The following EDIL3 variants were observed in gnomAD, a reference collection of about 807,000 sequenced individuals.
EDIL3 encodes the protein EGF-like repeat and discoidin I-like domain-containing protein 3.
Under a neutral mutation model 67.4 loss-of-function variants are expected in EDIL3, and 37 were observed. The observed-to-expected ratio is 0.55, with a 90% CI of 0.42 to 0.72. The LOEUF is 0.72. EDIL3 is among the 30% of genes least tolerant of loss of function. The pLI is 0.00. For synonymous variants in EDIL3, 195 were observed against 196.3 expected (o/e 0.99, Z 0.05); for missense variants, 527 against 586.3 (o/e 0.90, Z 1.04).
In EDIL3 at chr5:83,973,871, G is replaced by A. The variant is rs542590298; in HGVS notation, c.1138-10511C>T. ...ATTGGAAAAACCACAATTACTTTTG[G>A]ACCAACTTAATAAAACATCCGCAGA... On this transcript the variant is annotated intron_variant, in intron 9 of 10. Transcript: ENST00000296591. 1.1e-4 allele frequency among the ~76,000 whole-genome samples: 16 copies of A among 151,932 alleles called. No homozygotes were observed. The East Asian group carries it at 3.1e-3, about 30-fold the overall frequency.
rs919437494 is a variant in EDIL3, at chr5:83,963,327, T to C, written c.1171A>G (p.Ile391Val). ...AAATCTTTAGCTCCTTGTGTAATGA[T>C]GCCAGTCACTTTGGTTGGAACAAGA... is the stretch of plus-strand genomic sequence containing the variant. ...DLLVPTKVTG[I>V]ITQGAKDFGH... The change falls in exon 10 of 11, where the codon ATC (isoleucine) becomes GTC (valine). Residue 391 changes from isoleucine to valine, a missense_variant. Ile to Val is a conservative substitution (Grantham distance 29). Around this residue, in one of 2 missense-constraint regions of EDIL3, gnomAD observed 494 missense variants for 522.5 expected, o/e 0.95. Coordinates refer to ENST00000296591, the MANE Select transcript of EDIL3 (RefSeq NM_005711.5). 2 of 1,608,548 alleles carry C rather than the reference T, an allele frequency of 1.2e-6. No homozygotes were observed. The highest frequency in any genetic ancestry group is 2.7e-5 in the African/African-American group (2 of 74,566).
chr5:84,371,341 A>ATATATATATATATATGTGTG lies in EDIL3; in HGVS notation c.67+12966_67+12967insCACACATATATATATATATA, dbSNP rs1008172581. ...AAAGTATATATATATATATATATAT[A>ATATATATATATATATGTGTG]TGTGTGTGTGTATATATATGTGTGT... On this transcript the variant is annotated intron_variant, in intron 1 of 10. Coordinates refer to ENST00000296591, the MANE Select transcript of EDIL3 (RefSeq NM_005711.5). Among the ~76,000 whole-genome samples, 245 of 129,662 alleles carry ATATATATATATATATGTGTG rather than the reference A, an allele frequency of 1.9e-3. 2 individuals carry two copies. Among genetic ancestry groups the ATATATATATATATATGTGTG allele is most frequent in the African/African-American group, 6.5e-3 (239 of 36,596 alleles). 85.1% of individuals were successfully genotyped at this position (129,662 alleles called of 152,430 possible).
At chr5:84,194,720 T>C (rs961114122) in intron 3 of EDIL3, among the ~76,000 whole-genome samples, 3 of 151,960 alleles carry the variant, frequency 2.0e-5, no homozygotes, top group Non-Finnish European at 4.4e-5. Context: ...ATTATGCATT[T>C]AAATTTGTAA....
chr5:84,106,116 A>T (rs1747455930), intron 6 of EDIL3, among the ~76,000 whole-genome samples: 1 of 152,126 alleles, frequency 6.6e-6, no homozygotes, highest in African/African-American at 2.4e-5. Flanking sequence ...GAAATCACTT[A>T]ATATTTCAGT....
intron 4 of EDIL3, among the ~76,000 whole-genome samples, chr5:84,156,108 CA>C (rs1748485067): frequency 6.6e-6 from 1 of 152,142 alleles, no homozygotes; most frequent in African/African-American, 2.4e-5. Flanking sequence ...AGGTTTTATT[CA>C]GTGTTGTCAA....
chr5:84,324,459 A>G (rs1455507566), intron 1 of EDIL3, among the ~76,000 whole-genome samples: 2 of 151,922 alleles, frequency 1.3e-5, no homozygotes, highest in Admixed American at 1.3e-4. Context: ...CTTATATTAG[A>G]AGTAAGAAGA....
chr5:84,223,807 G>A (rs1027621190), intron 3 of EDIL3, among the ~76,000 whole-genome samples: 1 of 150,984 alleles, frequency 6.6e-6, no homozygotes, highest in Non-Finnish European at 1.5e-5. Context: ...ATGAGGTGAT[G>A]GATATGTAAA....
chr5:84,380,481 T>C (rs1015672731), intron 1 of EDIL3, among the ~76,000 whole-genome samples: 1 of 152,162 alleles, frequency 6.6e-6, no homozygotes, highest in Non-Finnish European at 1.5e-5. Context: ...GATTTACTTC[T>C]GACTTGAACT....
At chr5:84,281,799 C>G (rs1745707792) in intron 1 of EDIL3, among the ~76,000 whole-genome samples, 1 of 150,478 alleles carries the variant, frequency 6.6e-6, no homozygotes, top group Non-Finnish European at 1.5e-5. Context: ...GTATAATGAA[C>G]ACCTATGTAT....
At chr5:84,005,872 A>G (rs1745405777) in intron 9 of EDIL3, among the ~76,000 whole-genome samples, 1 of 152,020 alleles carries the variant, frequency 6.6e-6, no homozygotes, top group African/African-American at 2.4e-5. Flanking sequence ...GAAGACAGGA[A>G]GTTAAACTAT....
intron 10 of EDIL3, among the ~76,000 whole-genome samples, chr5:83,957,439 C>T (rs1744533988): frequency 6.6e-6 from 1 of 151,708 alleles, no homozygotes; most frequent in Admixed American, 6.6e-5. Flanking sequence ...ATGAGTTGGA[C>T]TTTCAAGGTA....
At chr5:84,052,830 G>T (rs1240649378) in intron 9 of EDIL3, among the ~76,000 whole-genome samples, 1 of 152,124 alleles carries the variant, frequency 6.6e-6, no homozygotes. Context: ...GACCTACAAA[G>T]AGACTTAGAC....
rs1193024886 is a variant in EDIL3, at chr5:84,229,832, T to C, written c.226+23A>G. 3.8e-6 allele frequency: 6 copies of C among 1,598,446 alleles called. No individual in the cohort carries two copies. The South Asian group carries it at 4.5e-5, about 12-fold the overall frequency. ...AAGGCATGACATTAAATAAGAATTA[T>C]GTTTACAACATAGGAACTTTACCTG... On this transcript the variant is annotated intron_variant, in intron 3 of 10. Transcript: ENST00000296591.
chr5:84,034,084 G>A (rs1652212771), intron 9 of EDIL3, among the ~76,000 whole-genome samples: 1 of 152,092 alleles, frequency 6.6e-6, no homozygotes, highest in Non-Finnish European at 1.5e-5. Flanking sequence ...CAAAATTTTG[G>A]TAGATAAAAA....
intron 1 of EDIL3, among the ~76,000 whole-genome samples, chr5:84,278,224 A>T (rs1030364538): frequency 6.6e-6 from 1 of 152,234 alleles, no homozygotes; most frequent in African/African-American, 2.4e-5. Context: ...ATGGAAAAGA[A>T]TGAAAGCATA....
intron 1 of EDIL3, among the ~76,000 whole-genome samples, chr5:84,311,889 T>C (rs1746396877): frequency 6.6e-6 from 1 of 152,144 alleles, no homozygotes; most frequent in Non-Finnish European, 1.5e-5. Flanking sequence ...GGGTCACCCA[T>C]CAACAGGATC....
In EDIL3 at chr5:84,283,941, C is replaced by A. The variant is rs574533627; in HGVS notation, c.68-29729G>T. On this transcript the variant is annotated intron_variant, in intron 1 of 10. Transcript: ENST00000296591. The stretch of plus-strand genomic sequence containing the variant: ...GCTGTACAGGACCAGGTAGAGGAGC[C>A]CCTTCCTCTCATTCCCAGAGTTCAA... 3.3e-5 allele frequency among the ~76,000 whole-genome samples: 5 copies of A among 152,044 alleles called. No individual in the cohort carries two copies. In the East Asian group the frequency reaches 9.7e-4, roughly 29 times the overall value.
At chr5:83,965,694 C>T (rs1394419642) in intron 9 of EDIL3, among the ~76,000 whole-genome samples, 1 of 151,958 alleles carries the variant, frequency 6.6e-6, no homozygotes, top group East Asian at 1.9e-4. Flanking sequence ...GTTTTCTCCC[C>T]AAGTTGTGTG....
chr5:84,105,974 A>G (rs1747452900), intron 6 of EDIL3, among the ~76,000 whole-genome samples: 1 of 152,056 alleles, frequency 6.6e-6, no homozygotes, highest in Admixed American at 6.6e-5. Context: ...GCTTTCCCCA[A>G]CAGAGGTTTA....
Sources: allele counts gnomAD v4.1 joint callset (sites outside exome capture counted in the v4.1 genomes callset), GRCh38; gene constraint gnomAD v4.1.1; regional missense constraint gnomAD v4.1.1; transcripts MANE v1.5; gene names NCBI Gene and HGNC (gene_info 2026-07-23, HGNC 2026-07-21).